LNX1: variants seen among roughly 807,000 people sequenced by gnomAD.
LNX1 encodes ligand of numb-protein X 1.
Under a neutral mutation model 68.4 loss-of-function variants are expected in LNX1, and 54 were observed. That is an observed-to-expected ratio of 0.79 (90% CI 0.63 to 0.99). The LOEUF is 0.99. LNX1 is among the 50% of genes least tolerant of loss of function. The probability of loss-of-function intolerance (pLI) is 0.00; values close to 1 mark genes in which losing one functional copy is unlikely to be tolerated. For missense variants in LNX1, 906 were observed against 926.4 expected (o/e 0.98, Z 0.29); for synonymous variants, 336 against 350.0 (o/e 0.96, Z 0.45).
At chr4:53,496,621 C>T in intron 5 of LNX1, 1 of 479,866 alleles carries the variant, frequency 2.1e-6, no homozygotes, top group Non-Finnish European at 3.6e-6. Flanking sequence ...CCATCTTTCT[C>T]CACCTTGTTC....
chr4:53,530,274 GAAAA>G (rs1468010096), intron 2 of LNX1, among the ~76,000 whole-genome samples: 2 of 151,826 alleles, frequency 1.3e-5, no homozygotes, highest in African/African-American at 4.8e-5. Flanking sequence ...AATGATAATA[GAAAA>G]AATATTGCAA....
intron 1 of LNX1, among the ~76,000 whole-genome samples, chr4:53,640,283 G>A (rs1489459856): frequency 6.6e-6 from 1 of 152,194 alleles, no homozygotes; most frequent in Non-Finnish European, 1.5e-5. Context: ...TGGTGGAAAA[G>A]CAGACCAGGG....
At chr4:53,600,865 G>T (rs768885349) in intron 2 of LNX1, among the ~76,000 whole-genome samples, 30 of 150,542 alleles carry the variant, frequency 2.0e-4, no homozygotes, top group Non-Finnish European at 3.5e-4. Context: ...TGAGTAGCTG[G>T]GATTACAGGT....
intron 1 of LNX1, among the ~76,000 whole-genome samples, chr4:53,638,067 A>G (rs778543079): frequency 1.3e-5 from 2 of 152,244 alleles, no homozygotes; most frequent in Non-Finnish European, 2.9e-5. Context: ...TCAGAGGGAA[A>G]TATGAATGAC....
chr4:53,527,533 A>G (rs1292137957), intron 2 of LNX1, among the ~76,000 whole-genome samples: 1 of 152,218 alleles, frequency 6.6e-6, no homozygotes, highest in East Asian at 1.9e-4. Flanking sequence ...CCTTGGCTCC[A>G]CTGGTTCTGG....
chr4:53,610,162 A>G (rs930539964), intron 2 of LNX1, among the ~76,000 whole-genome samples: 3 of 152,130 alleles, frequency 2.0e-5, no homozygotes. Context: ...GAGACTGATC[A>G]GGTACCTGAC....
intron 1 of LNX1, among the ~76,000 whole-genome samples, chr4:53,630,024 A>T (rs939377650): frequency 3.7e-4 from 57 of 152,238 alleles, no homozygotes; most frequent in African/African-American, 1.3e-3. Flanking sequence ...CCAGCAAAAA[A>T]GAAGACACTT....
At chr4:53,494,966 C>T (rs2109464221) in intron 6 of LNX1, among the ~76,000 whole-genome samples, 1 of 152,128 alleles carries the variant, frequency 6.6e-6, no homozygotes, top group East Asian at 1.9e-4. Flanking sequence ...AAATAGAAAA[C>T]AGATTAGTTA....
rs1734269854 is a variant in LNX1, at chr4:53,631,507, C to A, written c.-215+20661G>T. 2.0e-5 allele frequency among the ~76,000 whole-genome samples: 3 copies of A among 152,120 alleles called. 1 individual carries two copies. Among genetic ancestry groups the A allele is most frequent in the African/African-American group, 7.2e-5 (3 of 41,410 alleles). ...CTTTTCCTCTTCCTAGGACACTGAT[C>A]CCAATATAATTCCAAATCTCCCTAA... On this transcript the variant is annotated intron_variant, in intron 1 of 2. Transcript: ENST00000507168.
chr4:53,486,832 A>G (rs1235435123), intron 6 of LNX1, among the ~76,000 whole-genome samples: 5 of 152,228 alleles, frequency 3.3e-5, no homozygotes. Flanking sequence ...AGCATTTTGC[A>G]GAGCTATACA....
chr4:53,581,538 T>C (rs948346219), intron 1 of LNX1, among the ~76,000 whole-genome samples: 8 of 152,172 alleles, frequency 5.3e-5, no homozygotes, highest in Non-Finnish European at 1.2e-4. Flanking sequence ...TCCATATGAC[T>C]GAGGAAGCCT....
rs575347909 is a variant in LNX1 at position 53,489,893 on chromosome 4, TA to T, written c.1350+6129del. On this transcript the variant is annotated intron_variant, in intron 6 of 10. Transcript: ENST00000263925. ...TTCCAGATTAAGTGTACTGATCTGT[TA>T]AAAAAAAAATACAGATCTATCAGCT... Among the ~76,000 whole-genome samples, 284 of 149,430 alleles carry T rather than the reference TA, an allele frequency of 1.9e-3. 1 individual carries two copies. The highest frequency in any genetic ancestry group is 7.2e-3 in the South Asian group (34 of 4,690).
intron 2 of LNX1, among the ~76,000 whole-genome samples, chr4:53,511,514 A>C (rs1276327859): frequency 6.6e-6 from 1 of 152,216 alleles, no homozygotes; most frequent in Non-Finnish European, 1.5e-5. Flanking sequence ...ACCCCTTTTC[A>C]ACCAAAGCAC....
chr4:53,489,976 CA>C (rs1272696499), intron 6 of LNX1, among the ~76,000 whole-genome samples: 2 of 151,918 alleles, frequency 1.3e-5, no homozygotes, highest in Admixed American at 1.3e-4. Flanking sequence ...TACAGTACCA[CA>C]AAAGTTCTAC....
intron 1 of LNX1, among the ~76,000 whole-genome samples, chr4:53,647,057 CT>C (rs1428896248): frequency 2.6e-5 from 4 of 152,132 alleles, no homozygotes; most frequent in African/African-American, 9.7e-5. Flanking sequence ...CATTTTTTCT[CT>C]TTTTCCTGTC....
chr4:53,632,409 G>A (rs1734312283), intron 1 of LNX1, among the ~76,000 whole-genome samples: 1 of 152,166 alleles, frequency 6.6e-6, no homozygotes, highest in African/African-American at 2.4e-5. Flanking sequence ...TCAGACACCT[G>A]CCTTCTGCTA....
At chr4:53,475,797 A>G (rs1723521652) in intron 9 of LNX1, among the ~76,000 whole-genome samples, 1 of 152,216 alleles carries the variant, frequency 6.6e-6, no homozygotes, top group Admixed American at 6.5e-5. Flanking sequence ...TAATTAAGTG[A>G]GACAAGTAAT....
At chr4:53,529,885 T>C (rs373800950) in intron 2 of LNX1, among the ~76,000 whole-genome samples, 2 of 152,256 alleles carry the variant, frequency 1.3e-5, no homozygotes, top group Admixed American at 6.5e-5. Flanking sequence ...AAAAAGCTTC[T>C]CTATTCCAAG....
intron 2 of LNX1, among the ~76,000 whole-genome samples, chr4:53,522,516 A>T (rs918474713): frequency 1.2e-4 from 18 of 152,188 alleles, no homozygotes; most frequent in African/African-American, 4.3e-4. Flanking sequence ...GTTTTATTAC[A>T]TATTGACACA....
Sources: allele counts gnomAD v4.1 joint callset (sites outside exome capture counted in the v4.1 genomes callset), GRCh38; gene constraint gnomAD v4.1.1; transcripts MANE v1.5; gene names NCBI Gene and HGNC (gene_info 2026-07-23, HGNC 2026-07-21).